The following NEK10 variants were observed in gnomAD, a reference collection of about 807,000 sequenced individuals.
NEK10 encodes serine/threonine-protein kinase Nek10.
In NEK10, 122 loss-of-function variants were observed where a neutral mutation model predicts 159.8. The ratio of observed to expected loss-of-function variants is 0.76; its 90% CI spans 0.66 to 0.89. The LOEUF is 0.89. Ranked by LOEUF, NEK10 falls within the 40% of genes least tolerant of loss-of-function variation. NEK10 has a pLI of 0.00. For missense variants in NEK10, 1,342 were observed against 1,323.1 expected, an observed-to-expected ratio of 1.01 and a Z score of -0.22; for synonymous variants, 466 against 457.1, an observed-to-expected ratio of 1.02 and a Z score of -0.25.
intron 31 of NEK10, among the ~76,000 whole-genome samples, chr3:27,137,810 G>A (rs1473717118): frequency 6.6e-6 from 1 of 152,122 alleles, no homozygotes; most frequent in Non-Finnish European, 1.5e-5. Flanking sequence ...ATAAGACCCA[G>A]GCTACTCAGC....
At chr3:27,181,778 A>G (rs1948129879) in intron 26 of NEK10, among the ~76,000 whole-genome samples, 2 of 152,286 alleles carry the variant, frequency 1.3e-5, no homozygotes, top group South Asian at 4.1e-4. Flanking sequence ...TTGGTTCACT[A>G]CTGTATCAGG....
intron 22 of NEK10, among the ~76,000 whole-genome samples, chr3:27,281,701 A>G (rs2042171658): frequency 6.6e-6 from 1 of 152,154 alleles, no homozygotes; most frequent in Admixed American, 6.5e-5. Flanking sequence ...GTTTACAAAG[A>G]AAAAGACACA....
intron 23 of NEK10, among the ~76,000 whole-genome samples, chr3:27,244,903 C>G (rs1954910479): frequency 6.6e-6 from 1 of 152,186 alleles, no homozygotes; most frequent in Non-Finnish European, 1.5e-5. Flanking sequence ...TCCAGAACAG[C>G]TTCAGCCTGG....
At chr3:27,119,658 T>G (rs1940996150) in intron 33 of NEK10, 102 bp downstream of exon 33, 1 of 860,106 alleles carries the variant, frequency 1.2e-6, no homozygotes, top group African/African-American at 1.7e-5. Context: ...CAAAACAAGC[T>G]CTATTTAAAA....
chr3:27,284,332 G>A (rs776910641), intron 22 of NEK10, among the ~76,000 whole-genome samples: 66 of 152,288 alleles, frequency 4.3e-4, no homozygotes, highest in Non-Finnish European at 8.5e-4. Flanking sequence ...GTTGCAGTGA[G>A]CTGAGATCGT....
intron 6 of NEK10, among the ~76,000 whole-genome samples, chr3:27,317,951 C>T (rs1165200694): frequency 2.0e-5 from 3 of 152,074 alleles, no homozygotes; most frequent in Non-Finnish European, 4.4e-5. Context: ...TACAGGCGCC[C>T]GCCACCACGC....
chr3:27,229,158 C>T lies in NEK10; in HGVS notation c.2091-26601G>A, dbSNP rs569966530. Among the ~76,000 whole-genome samples, 163 of 152,182 alleles carry T rather than the reference C, an allele frequency of 1.1e-3. 1 individual carries two copies. Among genetic ancestry groups the T allele is most frequent in the Admixed American group, 9.2e-3 (141 of 15,280 alleles). On this transcript the variant is annotated intron_variant, in intron 23 of 35. Coordinates refer to ENST00000691995, the MANE Select transcript of NEK10 (RefSeq NM_001394966.1). ...TCAAGATATCCCTGCCATTCCAACC[C>T]AATAGAAGACAGTGAATTTGCCCAC... is the stretch of plus-strand genomic sequence containing the variant.
chr3:27,250,407 C>T (rs1296123580), intron 23 of NEK10, among the ~76,000 whole-genome samples: 2 of 152,032 alleles, frequency 1.3e-5, no homozygotes, highest in African/African-American at 4.8e-5. Context: ...AGGATGGTCT[C>T]GATCTCCTGA....
chr3:27,126,971 C>T (rs1327121324), intron 32 of NEK10, among the ~76,000 whole-genome samples: 42 of 151,926 alleles, frequency 2.8e-4, no homozygotes, highest in Admixed American at 2.7e-3. Flanking sequence ...TGCTAATGCC[C>T]AGTAATTGAT....
intron 23 of NEK10, among the ~76,000 whole-genome samples, chr3:27,252,524 G>C (rs1184819454): frequency 2.0e-5 from 3 of 152,196 alleles, no homozygotes; most frequent in African/African-American, 7.2e-5. Context: ...CATTCATGTA[G>C]CAAATATTAC....
chr3:27,126,368 G>A (rs1216555990), intron 32 of NEK10, among the ~76,000 whole-genome samples: 2 of 152,154 alleles, frequency 1.3e-5, no homozygotes, highest in African/African-American at 4.8e-5. Flanking sequence ...TAGAATTACA[G>A]CATCAGTAAC....
At chr3:27,331,052 A>G (rs771215882) in intron 5 of NEK10, among the ~76,000 whole-genome samples, 4 of 152,030 alleles carry the variant, frequency 2.6e-5, no homozygotes, top group Non-Finnish European at 4.4e-5. Flanking sequence ...CCTGGCCAAC[A>G]TGGCGAAACC....
At position 27,111,220 on chromosome 3, in the gene NEK10, C is replaced by T. The variant is rs1020269197; in HGVS notation, c.*52G>A. 1 of 1,539,918 alleles carries T rather than the reference C, an allele frequency of 6.5e-7. No individual in the cohort carries two copies. The highest frequency in any genetic ancestry group is 9.0e-7 in the Non-Finnish European group (1 of 1,116,216). On this transcript the variant is annotated 3_prime_UTR_variant, in exon 36 of 36. Transcript: ENST00000691995. ...GGCATCTTGCAATAGCGGCTGAAGT[C>T]CAGAACTTGAACTTCACTGAGAAAA... is the stretch of plus-strand genomic sequence containing the variant.
intron 23 of NEK10, among the ~76,000 whole-genome samples, chr3:27,230,942 A>G (rs1219807440): frequency 6.6e-6 from 1 of 151,322 alleles, no homozygotes; most frequent in East Asian, 1.9e-4. Flanking sequence ...AATACTCCCA[A>G]TAGACAGATC....
chr3:27,369,038 G>GA lies in NEK10; in HGVS notation c.-38+186dup, dbSNP rs1302726975. ...CGTCCAACACAAACCCACCTGCTTTGAAAAGACTGCCTCACGCAGTGACTC... is the reference window on the plus strand; with the variant it reads ...CGTCCAACACAAACCCACCTGCTTTGAAAAAGACTGCCTCACGCAGTGACTC... On this transcript the variant is annotated intron_variant, in intron 1 of 35. Coordinates refer to ENST00000691995, the MANE Select transcript of NEK10 (RefSeq NM_001394966.1). This position sits in a 1 kb window ranked among gnomAD's most constrained non-coding sequence, Gnocchi z 4.2. 1.3e-5 allele frequency: 2 copies of GA among 152,392 alleles called. No individual in the cohort carries two copies. The highest frequency in any genetic ancestry group is 2.9e-5 in the Non-Finnish European group (2 of 68,098). 9.4% of individuals were successfully genotyped at this position (152,392 alleles called of 1,614,324 possible).
At chr3:27,214,464 A>C (rs1157803159) in intron 23 of NEK10, among the ~76,000 whole-genome samples, 1 of 152,130 alleles carries the variant, frequency 6.6e-6, no homozygotes, top group East Asian at 1.9e-4. Context: ...CTCCTCCTGT[A>C]AGCAAGAAGC....
intron 35 of NEK10, among the ~76,000 whole-genome samples, 172 bp downstream of exon 35, chr3:27,115,768 G>A (rs942364829): frequency 6.6e-6 from 1 of 151,904 alleles, no homozygotes; most frequent in Non-Finnish European, 1.5e-5. Context: ...CAAAAGATGG[G>A]CACATATATT....
At chr3:27,355,173 C>T (rs1185822041) in intron 1 of NEK10, among the ~76,000 whole-genome samples, 1 of 152,106 alleles carries the variant, frequency 6.6e-6, no homozygotes, top group African/African-American at 2.4e-5. Flanking sequence ...TTGAATTTCC[C>T]TCTTTCTTTG....
At chr3:27,298,775 T>G (rs2043567801) in intron 13 of NEK10, among the ~76,000 whole-genome samples, 2 of 152,134 alleles carry the variant, frequency 1.3e-5, no homozygotes, top group African/African-American at 4.8e-5. Flanking sequence ...GGAGCCAAGG[T>G]GACTCTTGCT....
Sources: allele counts gnomAD v4.1 joint callset (sites outside exome capture counted in the v4.1 genomes callset), GRCh38; gene constraint gnomAD v4.1.1; non-coding constraint Gnocchi (gnomAD v3.1); transcripts MANE v1.5; gene names NCBI Gene and HGNC (gene_info 2026-07-23, HGNC 2026-07-21).